Variants in CRACR2A observed in about 807,000 individuals in gnomAD.
CRACR2A encodes the protein calcium release activated channel regulator 2A.
In CRACR2A, 79 loss-of-function variants were observed where a neutral mutation model predicts 90.5. The observed-to-expected ratio is 0.87, with a 90% CI of 0.73 to 1.05. The LOEUF (loss-of-function observed/expected upper bound fraction) is 1.05. Among genes scored for constraint, CRACR2A ranks in the 50% least tolerant of loss-of-function variants. CRACR2A has a pLI of 0.00. For missense variants in CRACR2A, 823 were observed against 897.2 expected (o/e 0.92, Z 1.06); for synonymous variants, 338 against 356.7 (o/e 0.95, Z 0.59).
At chr12:3,652,857 C>A (rs1436920476) in intron 10 of CRACR2A, among the ~76,000 whole-genome samples, 5 of 152,222 alleles carry the variant, frequency 3.3e-5, no homozygotes, top group Admixed American at 1.3e-4. Flanking sequence ...AGAATATTTT[C>A]TGCAGGCTTG....
At chr12:3,627,785 A>G (rs1476929306) in intron 15 of CRACR2A, 79 bp from the exon 16 acceptor site, 3 of 1,386,768 alleles carry the variant, frequency 2.2e-6, no homozygotes, top group Non-Finnish European at 3.0e-6. Flanking sequence ...AATGCTTCCA[A>G]CATCTGAAAT....
chr12:3,638,623 A>G (rs1944503272), intron 13 of CRACR2A, among the ~76,000 whole-genome samples, 169 bp from the exon 14 acceptor site: 1 of 152,168 alleles, frequency 6.6e-6, no homozygotes, highest in Non-Finnish European at 1.5e-5. Context: ...CAGCTCATTC[A>G]TTCAACACGC....
intron 4 of CRACR2A, among the ~76,000 whole-genome samples, chr12:3,682,410 A>G (rs1945472775): frequency 6.6e-6 from 1 of 152,228 alleles, no homozygotes; most frequent in Non-Finnish European, 1.5e-5. Context: ...TCCTGAATCC[A>G]GCAGCACTTC....
intron 11 of CRACR2A, among the ~76,000 whole-genome samples, chr12:3,646,970 G>T (rs907298258): frequency 1.3e-5 from 2 of 152,156 alleles, no homozygotes. Flanking sequence ...GACTCGGGTT[G>T]GTTAAGTCAA....
At chr12:3,619,742 C>T (rs1213974943) in intron 17 of CRACR2A, among the ~76,000 whole-genome samples, 2 of 152,234 alleles carry the variant, frequency 1.3e-5, no homozygotes, top group Admixed American at 6.5e-5. Flanking sequence ...CTTACAGCAC[C>T]CTGAGGGCGT....
chr12:3,642,774 ACC>A (rs1001845625), intron 12 of CRACR2A, among the ~76,000 whole-genome samples: 36 of 152,062 alleles, frequency 2.4e-4, no homozygotes, highest in African/African-American at 8.7e-4. Flanking sequence ...GGGGTTTACA[ACC>A]CCCTTTGCCT....
At chr12:3,679,134 C>A in intron 5 of CRACR2A, 36 bp from the exon 6 acceptor site, 1 of 1,552,972 alleles carries the variant, frequency 6.4e-7, no homozygotes, top group South Asian at 1.2e-5. Context: ...CGAATTAGAC[C>A]ATACCCATCC....
At position 3,696,843 on chromosome 12, in the gene CRACR2A, T is replaced by C. The variant is rs146565704; in HGVS notation, c.157A>G (p.Arg53Gly). Residue 53 changes from arginine to glycine, a missense_variant, in exon 4 of 20, where the codon AGG becomes GGG. Transcript: ENST00000440314. ...GTCTGAAAGAACTCCTGTGCCTTCC[T>C]CAGCATGACTAGCTGGCCCGACGTT... ...EQTSGQLVML[R>G]KAQEFFQTCD... 5.6e-6 allele frequency: 9 copies of C among 1,614,108 alleles called. No individual in the cohort carries two copies. In the African/African-American group the frequency reaches 1.1e-4, roughly 19 times the overall value.
intron 1 of CRACR2A, among the ~76,000 whole-genome samples, chr12:3,734,927 G>A (rs1053186702): frequency 1.3e-5 from 2 of 152,052 alleles, no homozygotes; most frequent in Non-Finnish European, 2.9e-5. Context: ...GTGGATAAGC[G>A]GGTAAGTTCT....
At position 3,720,531 on chromosome 12, in the gene CRACR2A, T is replaced by C. The variant is rs143447943; in HGVS notation, c.-117-7214A>G. Among the ~76,000 whole-genome samples, 257 of 152,368 alleles carry C rather than the reference T, an allele frequency of 1.7e-3. 2 individuals are homozygous for C. Among genetic ancestry groups the C allele is most frequent in the African/African-American group, 6.0e-3 (250 of 41,588 alleles). ...TAATACACCGCCAGGCTCTTGTGCCTGCCACAGGTCTCGACGGGATCCTGA... is the reference window on the plus strand; with the variant it reads ...TAATACACCGCCAGGCTCTTGTGCCCGCCACAGGTCTCGACGGGATCCTGA... On this transcript the variant is annotated intron_variant, in intron 2 of 19. Transcript: ENST00000440314.
chr12:3,726,676 T>C (rs1003805578), intron 2 of CRACR2A: 4 of 152,070 alleles, frequency 2.6e-5, no homozygotes, highest in Admixed American at 2.6e-4. Flanking sequence ...CACAGGATCC[T>C]GTCTCGTGAG....
rs1944546418 is a variant in CRACR2A at position 3,640,577 on chromosome 12, G to A, written c.1271+1155C>T. On this transcript the variant is annotated intron_variant, in intron 13 of 19. Coordinates refer to ENST00000440314, the MANE Select transcript of CRACR2A (RefSeq NM_001144958.2). ...AGGCCAACCACTATTGCAGAGATTT[G>A]GCTCCCAAATTGTATCTCATTATTC... The A allele has an allele frequency of 2.3e-6, 3 of 1,283,644 alleles. No individual in the cohort carries two copies. The African/African-American group carries it at 4.6e-5, about 20-fold the overall frequency. The allele number at this position is 1,283,644 out of a possible 1,614,324, so 79.5% of individuals were successfully genotyped here.
intron 2 of CRACR2A, chr12:3,726,738 T>C (rs939899622): frequency 1.3e-5 from 2 of 151,678 alleles, no homozygotes; most frequent in Non-Finnish European, 2.9e-5. Flanking sequence ...CGCTGTGATA[T>C]GGGGCAGGAT....
chr12:3,686,502 A>G (rs1167632898), intron 4 of CRACR2A, among the ~76,000 whole-genome samples: 2 of 151,930 alleles, frequency 1.3e-5, no homozygotes, highest in Non-Finnish European at 1.5e-5. Flanking sequence ...CAATCCTTTT[A>G]CTCCTCCAAA....
At chr12:3,748,673 ACT>A (rs1946659736) in intron 1 of CRACR2A, among the ~76,000 whole-genome samples, 1 of 152,136 alleles carries the variant, frequency 6.6e-6, no homozygotes, top group Non-Finnish European at 1.5e-5. Flanking sequence ...CCTGTATCTA[ACT>A]CAGCCTTCAG....
chr12:3,636,231 C>T (rs1309730509), intron 14 of CRACR2A, among the ~76,000 whole-genome samples: 1 of 152,128 alleles, frequency 6.6e-6, no homozygotes, highest in Non-Finnish European at 1.5e-5. Context: ...AATGGGTTTC[C>T]AGAAGGGTTG....
intron 1 of CRACR2A, 41 bp downstream of exon 1, chr12:3,752,974 G>T (rs1436501768): frequency 6.6e-6 from 1 of 152,358 alleles, no homozygotes. Context: ...GCCGCCCCCC[G>T]GCCGCCCCGG....
intron 8 of CRACR2A, among the ~76,000 whole-genome samples, chr12:3,658,618 C>T (rs781754780): frequency 1.4e-4 from 21 of 152,190 alleles, no homozygotes; most frequent in Non-Finnish European, 8.8e-5. Context: ...GTTTGAATGA[C>T]ATCTGTGATA....
chr12:3,674,015 G>A (rs1945299186), intron 6 of CRACR2A, among the ~76,000 whole-genome samples: 1 of 152,184 alleles, frequency 6.6e-6, no homozygotes, highest in Non-Finnish European at 1.5e-5. Context: ...ACAGCAACAT[G>A]CTCTGGTGCA....
Sources: gnomAD v4.1 joint callset for allele counts (sites outside exome capture counted in the v4.1 genomes callset) on GRCh38, gnomAD v4.1.1 for gene constraint, MANE v1.5 for transcripts, NCBI Gene and HGNC (gene_info 2026-07-23, HGNC 2026-07-21) for gene names.